PRKCZ: variants seen among roughly 807,000 people sequenced by gnomAD.
PRKCZ encodes protein kinase C zeta type.
A neutral mutation model predicts 79.5 loss-of-function variants in PRKCZ; 33 were observed. The ratio of observed to expected loss-of-function variants is 0.41; its 90% CI spans 0.31 to 0.55. The LOEUF is 0.55. Among genes scored for constraint, PRKCZ ranks in the 20% least tolerant of loss-of-function variants. PRKCZ has a pLI of 0.19. For synonymous variants in PRKCZ, 342 were observed against 320.9 expected, an observed-to-expected ratio of 1.07 and a Z score of -0.70; for missense variants, 578 against 813.5, an observed-to-expected ratio of 0.71 and a Z score of 3.52.
At chr1:2,135,055 AGCCGC>A in intron 4 of PRKCZ, 1 of 478,034 alleles carries the variant, frequency 2.1e-6, no homozygotes, top group Non-Finnish European at 3.8e-6. Context: ...CTCTGTCTCC[AGCCGC>A]CGAGGCCGTG....
chr1:2,181,960 C>A, intron 16 of PRKCZ: 1 of 428,452 alleles, frequency 2.3e-6, no homozygotes, highest in South Asian at 1.7e-5. Context: ...CTCCCTCCGG[C>A]TCCTCCCCAG....
intron 4 of PRKCZ, among the ~76,000 whole-genome samples, chr1:2,090,980 A>G (rs931003537): frequency 1.3e-5 from 2 of 152,232 alleles, no homozygotes; most frequent in South Asian, 2.1e-4. Context: ...CACATGTACC[A>G]TCATATAGAT....
chr1:2,144,122 G>A, intron 5 of PRKCZ, 88 bp from the exon 6 acceptor site: 1 of 1,484,486 alleles, frequency 6.7e-7, no homozygotes, highest in South Asian at 1.3e-5. Flanking sequence ...GTCCTCTTTT[G>A]AGAAGGTATA....
At chr1:2,058,512 C>G (rs1423401076) in intron 3 of PRKCZ, among the ~76,000 whole-genome samples, 1 of 151,934 alleles carries the variant, frequency 6.6e-6, no homozygotes, top group Non-Finnish European at 1.5e-5. Flanking sequence ...CTAATCTAGT[C>G]CTTTTTATTG....
At chr1:2,169,210 C>G (rs1683914625) in intron 10 of PRKCZ, 1 of 478,646 alleles carries the variant, frequency 2.1e-6, no homozygotes, top group African/African-American at 2.0e-5. Flanking sequence ...CCACTCCCAC[C>G]TGGTGACGGG....
rs1278482321 is a variant in PRKCZ at position 2,146,052 on chromosome 1, C to T, written c.578C>T (p.Pro193Leu). 1 of 1,614,082 alleles carries T rather than the reference C, an allele frequency of 6.2e-7. No individual in the cohort carries two copies. The highest frequency in any genetic ancestry group is 1.1e-5 in the South Asian group (1 of 91,090). ...GATTCTGTCATGCCTTCCCAAGAGC[C>T]TCCAGTAGACGACAAGAACGAGGAC... ...HMDSVMPSQE[P>L]PVDDKNEDAD... The change falls in exon 7 of 18, where the codon CCT becomes CTT. Residue 193 changes from proline (P) to leucine (L), a missense_variant. By Grantham distance (98) the Pro-to-Leu change is moderately conservative. Around this residue, in one of 4 missense-constraint regions of PRKCZ, gnomAD observed 91 missense variants for 97.5 expected, o/e 0.93. Coordinates refer to ENST00000378567, the MANE Select transcript of PRKCZ (RefSeq NM_002744.6).
intron 9 of PRKCZ, 130 bp from the exon 10 acceptor site, chr1:2,155,865 T>G (rs1361400447): frequency 5.1e-6 from 4 of 780,116 alleles, no homozygotes; most frequent in Non-Finnish European, 8.8e-6. Flanking sequence ...CTAATGGGTG[T>G]TTTCTTTTCC....
rs550079036 is a variant in PRKCZ at position 2,075,303 on chromosome 1, A to C, written c.334+15712A>C. ...GCACGATCCCTTGCGGTGTGAATAC[A>C]CTGCTGGGGTGGGAGCGCCGTGGCC... On this transcript the variant is annotated intron_variant, in intron 4 of 17. Transcript: ENST00000378567. This position sits in a 1 kb window ranked among gnomAD's most constrained non-coding sequence, Gnocchi z 4.8. The C allele has an allele frequency of 6.6e-5, 10 of 152,222 alleles. No individual in the cohort carries two copies. The highest frequency in any genetic ancestry group is 2.4e-4 in the African/African-American group (10 of 41,502). 9.4% of individuals were successfully genotyped at this position (152,222 alleles called of 1,614,324 possible). A position where few individuals can be genotyped will look rare whatever the true frequency, so the allele number is the denominator to read the frequency against.
At chr1:2,157,700 C>T (rs1681342328) in intron 10 of PRKCZ, among the ~76,000 whole-genome samples, 1 of 151,016 alleles carries the variant, frequency 6.6e-6, no homozygotes, top group South Asian at 2.1e-4. Flanking sequence ...GTGACTGAGC[C>T]CCGCCTCCAG....
chr1:2,102,906 G>A (rs1162513573), intron 4 of PRKCZ, among the ~76,000 whole-genome samples: 1 of 152,054 alleles, frequency 6.6e-6, no homozygotes, highest in Non-Finnish European at 1.5e-5. Context: ...AAGAGACAGG[G>A]TCTTGCTCTG....
At chr1:2,071,029 C>T (rs927393979) in intron 4 of PRKCZ, among the ~76,000 whole-genome samples, 1 of 121,164 alleles carries the variant, frequency 8.3e-6, no homozygotes, top group Non-Finnish European at 1.7e-5. Context: ...ACCATGGAGT[C>T]GCCTGCTGGG....
chr1:2,157,348 G>A (rs559491931), intron 10 of PRKCZ, among the ~76,000 whole-genome samples: 1 of 152,096 alleles, frequency 6.6e-6, no homozygotes, highest in Admixed American at 6.5e-5. Context: ...ACGAGCATAA[G>A]GCATCCTGTT....
At chr1:2,118,856 A>C (rs1387317658) in intron 4 of PRKCZ, among the ~76,000 whole-genome samples, 7 of 152,100 alleles carry the variant, frequency 4.6e-5, no homozygotes, top group Non-Finnish European at 8.8e-5. Context: ...TCTTAAAAGC[A>C]GAAGTTAGTT....
At chr1:2,109,180 A>C (rs1669213578) in intron 4 of PRKCZ, among the ~76,000 whole-genome samples, 3 of 152,268 alleles carry the variant, frequency 2.0e-5, no homozygotes, top group African/African-American at 7.2e-5. Context: ...GGGTCCCGGG[A>C]CTTGCATGTG....
intron 10 of PRKCZ, among the ~76,000 whole-genome samples, chr1:2,163,938 C>T (rs1682822197): frequency 6.6e-6 from 1 of 151,968 alleles, no homozygotes; most frequent in Non-Finnish European, 1.5e-5. Context: ...GCAAGTTGTG[C>T]AGGGGCCTCC....
At chr1:2,159,274 GAA>G (rs1571902552) in intron 10 of PRKCZ, among the ~76,000 whole-genome samples, 1 of 152,380 alleles carries the variant, frequency 6.6e-6, no homozygotes, top group East Asian at 1.9e-4. Context: ...CCGGGTGGCG[GAA>G]AAGTCTGGCC....
chr1:2,121,830 GTGGTAGTTAGGTTCA>G (rs1326763090), intron 4 of PRKCZ, among the ~76,000 whole-genome samples: 1 of 7,294 alleles, frequency 1.4e-4, no homozygotes, highest in Non-Finnish European at 2.3e-4. Flanking sequence ...GGTTAGGGTC[GTGGTAGTTAGGTTCA>G]TGGTGGTGGT....
intron 6 of PRKCZ, chr1:2,144,691 A>G (rs1318833830): frequency 9.8e-7 from 1 of 1,024,500 alleles, no homozygotes; most frequent in Admixed American, 5.0e-5. Context: ...GGTCTGACCT[A>G]GTAGCATTGG....
intron 10 of PRKCZ, among the ~76,000 whole-genome samples, chr1:2,166,956 G>A (rs1000231694): frequency 6.6e-6 from 1 of 152,204 alleles, no homozygotes; most frequent in African/African-American, 2.4e-5. Context: ...GAGTGGGCTC[G>A]GAGCATGCTC....
Sources: gnomAD v4.1 joint callset for allele counts (sites outside exome capture counted in the v4.1 genomes callset) on GRCh38, gnomAD v4.1.1 for gene constraint, gnomAD v4.1.1 regional missense constraint, Gnocchi (gnomAD v3.1) non-coding constraint, MANE v1.5 for transcripts, NCBI Gene and HGNC (gene_info 2026-07-23, HGNC 2026-07-21) for gene names.